The following COL14A1 variants were observed in gnomAD, a reference collection of about 807,000 sequenced individuals.
COL14A1 encodes the protein collagen alpha-1(XIV) chain.
In COL14A1, 136 loss-of-function variants were observed where a neutral mutation model predicts 230.3. The observed-to-expected ratio is 0.59, with a 90% confidence interval of 0.51 to 0.68. The LOEUF is 0.68. Among genes scored for constraint, COL14A1 ranks in the 30% least tolerant of loss-of-function variants. The pLI, the probability that COL14A1 is intolerant of heterozygous loss-of-function variation, is 0.00. For missense variants in COL14A1, 1,976 were observed against 2,215.8 expected (o/e 0.89, Z 2.17); for synonymous variants, 792 against 784.1 (o/e 1.01, Z -0.17).
At chr8:120,152,915 A>G (rs1483939557) in intron 2 of COL14A1, among the ~76,000 whole-genome samples, 1 of 152,236 alleles carries the variant, frequency 6.6e-6, no homozygotes, top group Non-Finnish European at 1.5e-5. Flanking sequence ...CTTTAACTTT[A>G]TAAAGACCTC....
In COL14A1 at chr8:120,285,855, C is replaced by T; in HGVS notation, c.3968-6C>T. 7.9e-6 allele frequency: 12 copies of T among 1,526,234 alleles called. No individual in the cohort carries two copies. Among genetic ancestry groups the T allele is most frequent in the South Asian group, 1.2e-5 (1 of 82,602 alleles). The allele number at this position is 1,526,234 out of a possible 1,614,324, so 94.5% of individuals were successfully genotyped here. ...TTCTAAAATATTTTTATTTTTCTTT[C>T]AATAGATGGTGGGAAAACTCTAACA... On this transcript the variant is annotated splice_region_variant and splice_polypyrimidine_tract_variant and intron_variant, in intron 32 of 47. Coordinates refer to ENST00000297848, the MANE Select transcript of COL14A1 (RefSeq NM_021110.4).
Position 120,372,239 on chromosome 8 carries a change from C to T in COL14A1, c.*1008C>T, listed in dbSNP as rs549840651. On this transcript the variant is annotated 3_prime_UTR_variant, in exon 48 of 48. Transcript: ENST00000297848. ...AGTTAACTTGGGACTAAGAGATTAG[C>T]GACATTTTATTGTTCATTTATAATC... 2.0e-5 allele frequency among the ~76,000 whole-genome samples: 3 copies of T among 152,202 alleles called. No homozygotes were observed. The highest frequency in any genetic ancestry group is 2.9e-5 in the Non-Finnish European group (2 of 68,026).
At chr8:120,201,901 G>A (rs1278329875) in intron 8 of COL14A1, among the ~76,000 whole-genome samples, 1 of 146,658 alleles carries the variant, frequency 6.8e-6, no homozygotes, top group Non-Finnish European at 1.5e-5. Flanking sequence ...TATTTGGGAA[G>A]GTGAGGGAGA....
chr8:120,367,122 T>G (rs1823429158), intron 45 of COL14A1, 49 bp from the exon 46 acceptor site: 1 of 1,461,392 alleles, frequency 6.8e-7, no homozygotes, highest in Admixed American at 2.3e-5. Context: ...ACTACCAAGA[T>G]TTTCTTTTAA....
chr8:120,334,714 T>A (rs562558941), intron 42 of COL14A1, among the ~76,000 whole-genome samples: 4 of 152,252 alleles, frequency 2.6e-5, no homozygotes, highest in Non-Finnish European at 5.9e-5. Context: ...GTCTGGTATT[T>A]GGCTTCAGCC....
intron 4 of COL14A1, among the ~76,000 whole-genome samples, chr8:120,167,453 T>C (rs1345735644): frequency 1.3e-5 from 2 of 152,242 alleles, no homozygotes; most frequent in Non-Finnish European, 2.9e-5. Context: ...TCTTGACTGC[T>C]TCAAACAGCC....
chr8:120,193,336 C>A (rs560819049), intron 5 of COL14A1, among the ~76,000 whole-genome samples: 1 of 152,322 alleles, frequency 6.6e-6, no homozygotes, highest in South Asian at 2.1e-4. Flanking sequence ...GCCTGCGTAT[C>A]AGCAACGGTG....
Sources: gnomAD v4.1 joint callset for allele counts (sites outside exome capture counted in the v4.1 genomes callset) on GRCh38, gnomAD v4.1.1 for gene constraint, MANE v1.5 for transcripts, NCBI Gene and HGNC (gene_info 2026-07-23, HGNC 2026-07-21) for gene names.